IFT74: variants seen among roughly 807,000 people sequenced by gnomAD.
IFT74 encodes intraflagellar transport 74, also known as intraflagellar transport protein 74 homolog.
In IFT74, 92 loss-of-function variants were observed where a neutral mutation model predicts 96.7. The observed-to-expected ratio is 0.95, with a 90% CI of 0.80 to 1.13. The LOEUF (loss-of-function observed/expected upper bound fraction) is 1.13, where lower values mean the gene tolerates loss of function less well. Among genes scored for constraint, IFT74 ranks in the 50% most tolerant of loss-of-function variants. The pLI, the probability that IFT74 is intolerant of heterozygous loss-of-function variation, is 0.00. For missense variants in IFT74, 811 were observed against 698.2 expected (o/e 1.16, Z -1.82); for synonymous variants, 223 against 213.2 (o/e 1.05, Z -0.40).
intron 8 of IFT74, among the ~76,000 whole-genome samples, chr9:26,992,298 C>G (rs1439461058): frequency 6.6e-6 from 1 of 151,844 alleles, no homozygotes; most frequent in Non-Finnish European, 1.5e-5. Flanking sequence ...GTAATTTGTC[C>G]TGAAGATACA....
At chr9:26,967,379 A>AT (rs1207896845) in intron 2 of IFT74, among the ~76,000 whole-genome samples, 2 of 150,754 alleles carry the variant, frequency 1.3e-5, no homozygotes, top group East Asian at 2.0e-4. Flanking sequence ...AACTTTCTTG[A>AT]TTTTTTTCAT....
rs761842111 is a variant in IFT74 at position 27,009,147 on chromosome 9, A to G, written c.715A>G (p.Lys239Glu). The change falls in exon 9 of 20, where the codon AAA becomes GAA. Residue 239 changes from lysine (K) to glutamate (E), a missense_variant. Lys to Glu is a moderately conservative substitution (Grantham distance 56). Coordinates refer to ENST00000380062, the MANE Select transcript of IFT74 (RefSeq NM_025103.4). ...CCTAGAGATGAAAACCACAAATGAGAAACTGTTACAGGTAATACAAATTAC... is the reference window on the plus strand; with the variant it reads ...CCTAGAGATGAAAACCACAAATGAGGAACTGTTACAGGTAATACAAATTAC... Reference protein sequence around the residue: ...KYLEMKTTNEKLLQELDTLQQ... With the variant: ...KYLEMKTTNEELLQELDTLQQ... The G allele has an allele frequency of 1.2e-6, 2 of 1,612,532 alleles. No individual in the cohort carries two copies. Among genetic ancestry groups the G allele is most frequent in the Non-Finnish European group, 1.7e-6 (2 of 1,179,186 alleles).
At chr9:27,029,699 G>C (rs992097033) in intron 13 of IFT74, among the ~76,000 whole-genome samples, 4 of 152,200 alleles carry the variant, frequency 2.6e-5, no homozygotes, top group African/African-American at 9.6e-5. Flanking sequence ...GGTGAGTCAA[G>C]ATCGCACCAC....
At chr9:27,046,561 T>G (rs968069598) in intron 14 of IFT74, among the ~76,000 whole-genome samples, 4 of 152,198 alleles carry the variant, frequency 2.6e-5, no homozygotes, top group Non-Finnish European at 5.9e-5. Context: ...ATTATTAAAT[T>G]CATTTAGTTG....
At chr9:27,019,265 A>G (rs1186321097) in intron 12 of IFT74, among the ~76,000 whole-genome samples, 2 of 152,038 alleles carry the variant, frequency 1.3e-5, no homozygotes, top group Non-Finnish European at 2.9e-5. Context: ...CCCCCAGTCA[A>G]TTTTAGAACT....
At position 26,974,419 on chromosome 9, in the gene IFT74, A is replaced by G. The variant is rs113485355; in HGVS notation, c.121-3709A>G. Among the ~76,000 whole-genome samples, 463 of 152,228 alleles carry G rather than the reference A, an allele frequency of 3.0e-3. 1 individual carries two copies. The highest frequency in any genetic ancestry group is 0.011 in the African/African-American group (443 of 41,546). ...GGATCTTCCAAATTTAGGCCTGCAT[A>G]CTGTTTCATTTGCTCCTTTAGCCTG... is the stretch of plus-strand genomic sequence containing the variant. On this transcript the variant is annotated intron_variant, in intron 2 of 19. Coordinates refer to ENST00000380062, the MANE Select transcript of IFT74 (RefSeq NM_025103.4).
rs962731148 is a variant in IFT74, at chr9:27,036,664, G to C, written c.1054+7560G>C. On this transcript the variant is annotated intron_variant, in intron 13 of 19. Transcript: ENST00000380062. ...GGCATTTTATTCATTGGCTACTTGTGTTCACTCTTTGCTTCTGTGAAAAAA... is the reference window on the plus strand; with the variant it reads ...GGCATTTTATTCATTGGCTACTTGTCTTCACTCTTTGCTTCTGTGAAAAAA... 1.4e-5 allele frequency: 19 copies of C among 1,355,990 alleles called. No individual in the cohort carries two copies. The African/African-American group carries it at 2.4e-4, about 17-fold the overall frequency. 84.0% of individuals were successfully genotyped at this position (1,355,990 alleles called of 1,614,324 possible).
At chr9:26,998,332 G>A (rs1334723926) in intron 8 of IFT74, 2 of 774,904 alleles carry the variant, frequency 2.6e-6, no homozygotes, top group Non-Finnish European at 3.8e-6. Context: ...GACATTAGAA[G>A]GACGTTATTT....
At chr9:27,028,474 T>A (rs1366224214) in intron 12 of IFT74, among the ~76,000 whole-genome samples, 1 of 152,178 alleles carries the variant, frequency 6.6e-6, no homozygotes, top group Non-Finnish European at 1.5e-5. Flanking sequence ...AAAAAAGATC[T>A]ATGCTTGGCG....
chr9:26,973,965 C>A (rs1826986665), intron 2 of IFT74, among the ~76,000 whole-genome samples: 1 of 152,144 alleles, frequency 6.6e-6, no homozygotes, highest in Admixed American at 6.5e-5. Context: ...TAATTTGGGA[C>A]ATTGTCTCTT....
chr9:26,953,274 G>T (rs545055281), upstream of IFT74, among the ~76,000 whole-genome samples: 47 of 152,238 alleles, frequency 3.1e-4, no homozygotes, highest in African/African-American at 1.1e-3. Context: ...TGCAATATCA[G>T]TATACAAGGA....
At chr9:26,954,714 A>C (rs1472301930), upstream of IFT74, among the ~76,000 whole-genome samples, 1 of 151,918 alleles carries the variant, frequency 6.6e-6, no homozygotes, top group Non-Finnish European at 1.5e-5. Flanking sequence ...GATTCCAGGA[A>C]GAGAGAATTG....
intron 3 of IFT74, 115 bp downstream of exon 3, chr9:26,978,378 T>C (rs1827218793): frequency 9.9e-7 from 1 of 1,006,816 alleles, no homozygotes; most frequent in Non-Finnish European, 1.4e-6. Flanking sequence ...AGTATTACAG[T>C]ACCATTTTTT....
In IFT74 at chr9:26,978,149, C is replaced by T; in HGVS notation, c.142C>T (p.Pro48Ser). 3.7e-6 allele frequency: 6 copies of T among 1,604,680 alleles called. No homozygotes were observed. In the South Asian group the frequency reaches 5.6e-5, roughly 15 times the overall value. Reference protein sequence around the residue: ...ATAMPPGTARPGSRGCPIGTG... With the variant: ...ATAMPPGTARSGSRGCPIGTG... Reference sequence around the variant, plus strand: ...TTAGATGCCACCTGGGACAGCAAGACCAGGTTCTCGTGGTTGTCCCATAGG... The same window carrying T: ...TTAGATGCCACCTGGGACAGCAAGATCAGGTTCTCGTGGTTGTCCCATAGG... The change falls in exon 3 of 20, where the codon CCA becomes TCA. Residue 48 changes from proline (P) to serine (S), a missense_variant. Coordinates refer to ENST00000380062, the MANE Select transcript of IFT74 (RefSeq NM_025103.4).
At chr9:26,984,806 A>G (rs1440845814) in intron 6 of IFT74, among the ~76,000 whole-genome samples, 2 of 152,204 alleles carry the variant, frequency 1.3e-5, no homozygotes, top group South Asian at 2.1e-4. Context: ...GTCAAAAATA[A>G]CAGATGCTGG....
Position 27,011,880 on chromosome 9 carries a change from A to G in IFT74, c.727-26A>G, listed in dbSNP as rs1587351074. On this transcript the variant is annotated intron_variant, in intron 9 of 19. Transcript: ENST00000380062. ...ATTATTCTTAATGTAATTTGGATTTATGTTTGCTTTTTTTTTTCCACTTAG... is the reference window on the plus strand; with the variant it reads ...ATTATTCTTAATGTAATTTGGATTTGTGTTTGCTTTTTTTTTTCCACTTAG... 2.0e-6 allele frequency: 3 copies of G among 1,482,334 alleles called. No individual in the cohort carries two copies. The East Asian group carries it at 7.2e-5, about 36-fold the overall frequency. 91.8% of individuals were successfully genotyped at this position (1,482,334 alleles called of 1,614,324 possible). A position where few individuals can be genotyped will look rare whatever the true frequency, so the allele number is the denominator to read the frequency against.
At chr9:26,983,479 T>A (rs1443973200) in intron 4 of IFT74, among the ~76,000 whole-genome samples, 1 of 152,124 alleles carries the variant, frequency 6.6e-6, no homozygotes, top group Admixed American at 6.6e-5. Context: ...TTGGAGGAAG[T>A]GCTACTGATA....
intron 16 of IFT74, among the ~76,000 whole-genome samples, chr9:27,053,053 C>A (rs1046006040): frequency 4.6e-5 from 7 of 151,314 alleles, no homozygotes; most frequent in Admixed American, 1.3e-4. Context: ...TTAGTAGAGA[C>A]GGGGTTTCAC....
At chr9:26,996,978 A>T (rs975802062) in intron 8 of IFT74, among the ~76,000 whole-genome samples, 87 of 152,272 alleles carry the variant, frequency 5.7e-4, no homozygotes, top group African/African-American at 1.9e-3. Context: ...TGGGAGGCCG[A>T]GGCGGGTGGA....
Sources: gnomAD v4.1 joint callset for allele counts (sites outside exome capture counted in the v4.1 genomes callset) on GRCh38, gnomAD v4.1.1 for gene constraint, MANE v1.5 for transcripts, NCBI Gene and HGNC (gene_info 2026-07-23, HGNC 2026-07-21) for gene names.